Variants in PRG4 observed in about 807,000 individuals in gnomAD.
PRG4 encodes the protein articular superficial zone protein.
Under a neutral mutation model 91.2 loss-of-function variants are expected in PRG4, and 61 were observed. That is an observed-to-expected ratio of 0.67 (90% CI 0.54 to 0.83). The LOEUF (loss-of-function observed/expected upper bound fraction) is 0.83, where lower values mean the gene tolerates loss of function less well. PRG4 is among the 40% of genes least tolerant of loss of function. The probability of loss-of-function intolerance (pLI) is 0.00; values close to 1 mark genes in which losing one functional copy is unlikely to be tolerated. For missense variants in PRG4, 1,564 were observed against 1,714.2 expected, an observed-to-expected ratio of 0.91 and a Z score of 1.55; for synonymous variants, 576 against 614.2, an observed-to-expected ratio of 0.94 and a Z score of 0.92.
rs150072104 is a variant in PRG4, at chr1:186,311,103, G to T, written c.3569G>T (p.Gly1190Val). 3.7e-6 allele frequency: 6 copies of T among 1,613,624 alleles called. No individual in the cohort carries two copies. The South Asian group carries it at 4.4e-5, about 12-fold the overall frequency. ...GCTCGCAGAATTACTGAAGTTTGGG[G>T]TATTCCTTCCCCCATTGATACTGTT... ...SPARRITEVW[G>V]IPSPIDTVFT... is the part of the protein sequence containing the mutation. Residue 1190 changes from glycine to valine, a missense_variant, in exon 9 of 13, where the codon GGT becomes GTT. Physicochemically the swap from Gly to Val is moderately radical, Grantham distance 109. Transcript: ENST00000445192.
chr1:186,300,341 A>C, intron 3 of PRG4, 128 bp downstream of exon 3: 1 of 1,219,048 alleles, frequency 8.2e-7, no homozygotes, highest in East Asian at 2.3e-5. Flanking sequence ...CTGTTTTCCC[A>C]CTGTATCACT....
chr1:186,312,582 T>C lies in PRG4; in HGVS notation c.3992-187T>C, dbSNP rs1413511125. On this transcript the variant is annotated intron_variant, in intron 11 of 12. Coordinates refer to ENST00000445192, the MANE Select transcript of PRG4 (RefSeq NM_005807.6). ...GGGTAAGTAAAGCAGTTTGTTCAGGTTTGTTAGTTATAACCAATACTATTT... is the reference window on the plus strand; with the variant it reads ...GGGTAAGTAAAGCAGTTTGTTCAGGCTTGTTAGTTATAACCAATACTATTT... 3.8e-6 allele frequency: 3 copies of C among 785,024 alleles called. No homozygotes were observed. The African/African-American group carries it at 5.3e-5, about 14-fold the overall frequency. 48.6% of individuals were successfully genotyped at this position (785,024 alleles called of 1,614,324 possible).
chr1:186,305,998 A>AG (rs932786342), intron 6 of PRG4, among the ~76,000 whole-genome samples: 8 of 152,300 alleles, frequency 5.3e-5, no homozygotes, highest in African/African-American at 1.9e-4. Flanking sequence ...TACAAAAAGT[A>AG]GGGGGTAAAG....
At chr1:186,309,282 G>A in intron 7 of PRG4, 142 bp downstream of exon 7, 4 of 878,416 alleles carry the variant, frequency 4.6e-6, no homozygotes, top group African/African-American at 1.7e-5. Flanking sequence ...CAGCTTCCCT[G>A]TAGGTAAGCA....
intron 10 of PRG4, 31 bp downstream of exon 10, chr1:186,311,627 A>C: frequency 6.3e-7 from 1 of 1,599,110 alleles, no homozygotes; most frequent in Non-Finnish European, 8.6e-7. Context: ...AAGATTACAA[A>C]ACTTTTAAAG....
rs764298171 is a variant in PRG4 at position 186,308,830 on chromosome 1, A to C, written c.3111A>C (p.Pro1037=). ...AAAAACCCACTTCTACCAAAAAGCC[A>C]AAAACAATGCCTAGAGTGAGAAAAC... is the stretch of plus-strand genomic sequence containing the variant. The part of the protein sequence containing the change: ...APKKPTSTKK[P]KTMPRVRKPK... Residue 1037 remains proline, a synonymous_variant, in exon 7 of 13, where the codon CCA becomes CCC. Transcript: ENST00000445192. 1 of 1,613,900 alleles carries C rather than the reference A, an allele frequency of 6.2e-7. No homozygotes were observed. Among genetic ancestry groups the C allele is most frequent in the Non-Finnish European group, 8.5e-7 (1 of 1,179,950 alleles).
Position 186,313,758 on chromosome 1 carries a change from G to T in PRG4, c.4195G>T (p.Val1399Phe), listed in dbSNP as rs748945818. Reference sequence around the variant, plus strand: ...TCGTTCTGGGCAGACCTTATCCAAAGTCTGGTACAACTGTCCTTAGACTGA... The same window carrying T: ...TCGTTCTGGGCAGACCTTATCCAAATTCTGGTACAACTGTCCTTAGACTGA... ...TTRSGQTLSK[V>F]WYNCP is the part of the protein sequence containing the mutation. Residue 1399 changes from valine to phenylalanine, a missense_variant, in exon 13 of 13, where the codon GTC becomes TTC. Physicochemically the swap from Val to Phe is conservative, Grantham distance 50. This residue lies in a region of PRG4 where 1,079 missense variants were observed against 1,162.2 expected (regional missense o/e 0.93). Transcript: ENST00000445192. 7.2e-5 allele frequency: 116 copies of T among 1,606,298 alleles called. 2 individuals carry two copies. The South Asian group carries it at 1.2e-3, about 17-fold the overall frequency.
At chr1:186,301,842 A>T in intron 4 of PRG4, 131 bp downstream of exon 4, 2 of 1,320,254 alleles carry the variant, frequency 1.5e-6, no homozygotes, top group Non-Finnish European at 2.2e-6. Flanking sequence ...GCTATTTCAT[A>T]ATAATTTTGT....
At chr1:186,299,015 ATTCTT>A (rs1557923696) in intron 2 of PRG4, among the ~76,000 whole-genome samples, 2 of 152,084 alleles carry the variant, frequency 1.3e-5, no homozygotes, top group African/African-American at 4.8e-5. Context: ...CCTGGACTCT[ATTCTT>A]TTAAGATTTG....
intron 2 of PRG4, 61 bp from the exon 3 acceptor site, chr1:186,300,030 A>T (rs1656097116): frequency 1.3e-6 from 2 of 1,589,390 alleles, no homozygotes; most frequent in Non-Finnish European, 1.7e-6. Context: ...CCCCCTCGTT[A>T]GATTGCTCCC....
rs773571923 is a variant in PRG4, at chr1:186,308,642, A to C, written c.2923A>C (p.Thr975Pro). 1 of 1,612,180 alleles carries C rather than the reference A, an allele frequency of 6.2e-7. No individual in the cohort carries two copies. Among genetic ancestry groups the C allele is most frequent in the Non-Finnish European group, 8.5e-7 (1 of 1,179,608 alleles). ...AGATACCACACCATTCAAAATTACT[A>C]CTCTTAAAACAACTACTCTTGCACC... ...TQDTTPFKITTLKTTTLAPKV... is the reference protein window; with the variant it reads ...TQDTTPFKITPLKTTTLAPKV... Residue 975 changes from threonine to proline, a missense_variant, in exon 7 of 13, where the codon ACT (threonine) becomes CCT (proline). Physicochemically the swap from Thr to Pro is conservative, Grantham distance 38. Around this residue, in one of 3 missense-constraint regions of PRG4, gnomAD observed 1,079 missense variants for 1,162.2 expected, o/e 0.93. Coordinates refer to ENST00000445192, the MANE Select transcript of PRG4 (RefSeq NM_005807.6).
chr1:186,302,995 A>G (rs954693325), intron 4 of PRG4, among the ~76,000 whole-genome samples: 2 of 152,200 alleles, frequency 1.3e-5, no homozygotes, highest in African/African-American at 4.8e-5. Context: ...TAAGACAGTC[A>G]GCGTCCCAAC....
chr1:186,304,951 G>GT, intron 6 of PRG4, 29 bp downstream of exon 6: 2 of 1,603,228 alleles, frequency 1.2e-6, no homozygotes, highest in South Asian at 1.1e-5. Flanking sequence ...ATCAAAGACT[G>GT]TATCAATGCC....
rs575773149 is a variant in PRG4 at position 186,308,605 on chromosome 1, TACC to T, written c.2889_2891del (p.Thr965del). 9.6e-4 allele frequency: 1,550 copies of T among 1,613,424 alleles called. 29 individuals carry two copies. In the South Asian group the frequency reaches 0.016, roughly 16 times the overall value. On this transcript the variant is annotated inframe_deletion, in exon 7 of 13. Coordinates refer to ENST00000445192, the MANE Select transcript of PRG4 (RefSeq NM_005807.6). ...CAGCTACAACCACACAAGTAACATC[TACC>T]ACAACTCAAGATACCACACCATTCA...
chr1:186,310,667 G>T (rs61112901), intron 8 of PRG4, among the ~76,000 whole-genome samples: 21,994 of 139,148 alleles, frequency 0.16, 2,189 homozygotes, highest in African/African-American at 0.24. Flanking sequence ...ATTTTTTTTT[G>T]TATTTTTTTT....
intron 2 of PRG4, among the ~76,000 whole-genome samples, chr1:186,297,161 A>C (rs1293988): frequency 6.6e-6 from 1 of 151,970 alleles, no homozygotes; most frequent in Non-Finnish European, 1.5e-5. Flanking sequence ...TTGAGCTTGT[A>C]TAAAGAATAA....
chr1:186,311,758 A>C, intron 10 of PRG4, 162 bp downstream of exon 10: 1 of 742,564 alleles, frequency 1.3e-6, no homozygotes, highest in Admixed American at 2.9e-5. Flanking sequence ...TATTGCCCTC[A>C]ATTTTTATTT....
At chr1:186,309,209 G>C (rs1242579531) in intron 7 of PRG4, 69 bp downstream of exon 7, 3 of 1,487,592 alleles carry the variant, frequency 2.0e-6, no homozygotes, top group Non-Finnish European at 2.8e-6. Flanking sequence ...GAACCAGAAT[G>C]CCTTAGTTTA....
Position 186,300,206 on chromosome 1 carries a change from C to A in PRG4, c.192C>A (p.Cys64Ter), listed in dbSNP as rs1256972345. The change falls in exon 3 of 13, where the codon TGC (cysteine) becomes TGA (stop). Residue 64 changes from cysteine to a stop codon, truncating the protein, a stop_gained. Transcript: ENST00000445192. LOFTEE classifies it high-confidence loss of function. ...GCTGCCCTGATTTCAAGAGAGTCTGCACTGCGGGTAAGTCCTGAGAGCGGG... is the reference window on the plus strand; with the variant it reads ...GCTGCCCTGATTTCAAGAGAGTCTGAACTGCGGGTAAGTCCTGAGAGCGGG... ...MECCPDFKRV[C>*]TAELSCKGRC... 1 of 1,613,954 alleles carries A rather than the reference C, an allele frequency of 6.2e-7. No individual in the cohort carries two copies. The highest frequency in any genetic ancestry group is 2.2e-5 in the East Asian group (1 of 44,898).
Sources: allele counts gnomAD v4.1 joint callset (sites outside exome capture counted in the v4.1 genomes callset), GRCh38; gene constraint gnomAD v4.1.1; regional missense constraint gnomAD v4.1.1; transcripts MANE v1.5; gene names NCBI Gene and HGNC (gene_info 2026-07-23, HGNC 2026-07-21).